Variants in DTNA observed in about 807,000 individuals in gnomAD.
DTNA encodes dystrobrevin alpha.
DTNA carries 43 observed loss-of-function variants against 100.7 expected under a neutral mutation model. That is an observed-to-expected ratio of 0.43 (90% CI 0.33 to 0.55). The LOEUF is 0.55. Ranked by LOEUF, DTNA falls within the 20% of genes least tolerant of loss-of-function variation. The pLI, the probability that DTNA is intolerant of heterozygous loss-of-function variation, is 0.04. For synonymous variants in DTNA, 349 were observed against 347.9 expected, an observed-to-expected ratio of 1.00 and a Z score of -0.04; for missense variants, 798 against 953.9, an observed-to-expected ratio of 0.84 and a Z score of 2.15.
intron 7 of DTNA, 181 bp from the exon 8 acceptor site, chr18:34,817,983 C>T (rs2095633048): frequency 8.7e-6 from 13 of 1,495,492 alleles, no homozygotes; most frequent in Non-Finnish European, 1.1e-5. Flanking sequence ...TCCCCACAGG[C>T]ATGATTGAAA....
intron 1 of DTNA, among the ~76,000 whole-genome samples, chr18:34,661,710 C>T (rs1014019935): frequency 1.3e-5 from 2 of 152,072 alleles, no homozygotes; most frequent in African/African-American, 4.8e-5. Flanking sequence ...CCTCTCCATC[C>T]ACTGTTCCCA....
At chr18:34,516,924 C>G (rs1167011054) in intron 1 of DTNA, among the ~76,000 whole-genome samples, 2 of 152,110 alleles carry the variant, frequency 1.3e-5, no homozygotes, top group African/African-American at 2.4e-5. Flanking sequence ...AAAGTAAAGA[C>G]AGGCGTAGGA....
chr18:34,846,067 G>A (rs745770329), intron 13 of DTNA, among the ~76,000 whole-genome samples: 20 of 151,418 alleles, frequency 1.3e-4, no homozygotes, highest in Non-Finnish European at 2.4e-4. Context: ...TTTTGTTTTC[G>A]AGATCTTCTA....
intron 1 of DTNA, among the ~76,000 whole-genome samples, chr18:34,621,745 T>C (rs2056546106): frequency 6.6e-6 from 1 of 152,180 alleles, no homozygotes. Flanking sequence ...AGAACTCTAT[T>C]GTACAACATA....
At chr18:34,644,292 G>A (rs1424141386) in intron 1 of DTNA, among the ~76,000 whole-genome samples, 1 of 152,080 alleles carries the variant, frequency 6.6e-6, no homozygotes, top group East Asian at 1.9e-4. Flanking sequence ...TGTAGGAGTC[G>A]ACTGTATTAT....
intron 1 of DTNA, among the ~76,000 whole-genome samples, chr18:34,658,145 A>G (rs1257406893): frequency 6.6e-6 from 1 of 152,190 alleles, no homozygotes; most frequent in African/African-American, 2.4e-5. Context: ...CTGAAACTAA[A>G]AAGGAGAGAG....
intron 1 of DTNA, among the ~76,000 whole-genome samples, chr18:34,661,206 C>G (rs1273353395): frequency 1.3e-5 from 2 of 152,124 alleles, no homozygotes; most frequent in Non-Finnish European, 2.9e-5. Context: ...ATGAGATGCT[C>G]TCCATTAATT....
intron 1 of DTNA, among the ~76,000 whole-genome samples, chr18:34,539,396 C>G (rs2044033559): frequency 6.6e-6 from 1 of 152,000 alleles, no homozygotes; most frequent in Non-Finnish European, 1.5e-5. Flanking sequence ...AAAGTACTCT[C>G]AGATGTCCAC....
chr18:34,632,890 C>G (rs1228014438), intron 1 of DTNA, among the ~76,000 whole-genome samples: 2 of 151,992 alleles, frequency 1.3e-5, no homozygotes, highest in African/African-American at 2.4e-5. Flanking sequence ...TTAGTATATC[C>G]TTTGTTATGT....
chr18:34,759,065 T>C (rs1008253218), intron 2 of DTNA, among the ~76,000 whole-genome samples: 21 of 152,188 alleles, frequency 1.4e-4, no homozygotes, highest in African/African-American at 4.8e-4. Context: ...CCTACTTTGA[T>C]TTAAGAAATT....
In DTNA at chr18:34,814,252, C is replaced by T. The variant is rs546758918; in HGVS notation, c.604-1657C>T. ...GTATTACTTCACCCAGTCATGGAAA[C>T]AAGAATAATTTCATTTATAACTGAA... On this transcript the variant is annotated intron_variant, in intron 6 of 22. Coordinates refer to ENST00000444659, the MANE Select transcript of DTNA (RefSeq NM_001386795.1). Among the ~76,000 whole-genome samples, 28 of 152,176 alleles carry T rather than the reference C, an allele frequency of 1.8e-4. No individual in the cohort carries two copies. In the South Asian group the frequency reaches 5.6e-3, roughly 30 times the overall value.
chr18:34,592,855 A>G (rs1038534891), intron 1 of DTNA, among the ~76,000 whole-genome samples: 3 of 152,188 alleles, frequency 2.0e-5, no homozygotes, highest in African/African-American at 4.8e-5. Flanking sequence ...CTGTCCTACA[A>G]TGAAAATATT....
chr18:34,539,884 CTTAAAT>C (rs906635948), intron 1 of DTNA, among the ~76,000 whole-genome samples: 1 of 151,644 alleles, frequency 6.6e-6, no homozygotes, highest in African/African-American at 2.4e-5. Context: ...ATTTTTTCTA[CTTAAAT>C]TTAAGTAGAC....
chr18:34,616,855 G>A (rs959408090), intron 1 of DTNA, among the ~76,000 whole-genome samples: 20 of 152,092 alleles, frequency 1.3e-4, no homozygotes, highest in African/African-American at 4.8e-4. Flanking sequence ...CTGGCTAGCT[G>A]TATTCTTAGG....
At chr18:34,589,973 T>G (rs2049536985) in intron 1 of DTNA, among the ~76,000 whole-genome samples, 1 of 152,230 alleles carries the variant, frequency 6.6e-6, no homozygotes. Flanking sequence ...ATTCTGCATA[T>G]GTATATCACA....
chr18:34,710,814 C>T (rs1197953069), intron 1 of DTNA, among the ~76,000 whole-genome samples: 2 of 151,920 alleles, frequency 1.3e-5, no homozygotes, highest in South Asian at 2.1e-4. Context: ...GAAAATGGTC[C>T]GCTTTTCTTA....
chr18:34,753,341 A>G (rs1162732659), intron 1 of DTNA, among the ~76,000 whole-genome samples: 4 of 130,422 alleles, frequency 3.1e-5, no homozygotes, highest in Non-Finnish European at 4.8e-5. Flanking sequence ...TTTGTGATTT[A>G]TTTATTTATT....
chr18:34,848,210 A>C (rs2096414250), intron 13 of DTNA, 86 bp from the exon 14 acceptor site: 1 of 1,318,464 alleles, frequency 7.6e-7, no homozygotes, highest in South Asian at 1.2e-5. Flanking sequence ...CAAAACATTG[A>C]AATAGTAAAA....
chr18:34,547,720 G>A (rs2044952299), intron 1 of DTNA, among the ~76,000 whole-genome samples: 2 of 152,052 alleles, frequency 1.3e-5, no homozygotes, highest in African/African-American at 2.4e-5. Context: ...AGATATACAA[G>A]GACAAATTCA....
Sources: allele counts gnomAD v4.1 joint callset (sites outside exome capture counted in the v4.1 genomes callset), GRCh38; gene constraint gnomAD v4.1.1; transcripts MANE v1.5; gene names NCBI Gene and HGNC (gene_info 2026-07-23, HGNC 2026-07-21).